Variants in DLC1 observed in about 807,000 individuals in gnomAD.
DLC1 encodes the protein DLC1 Rho GTPase activating protein.
In DLC1, 54 loss-of-function variants were observed where a neutral mutation model predicts 140.3. That is an observed-to-expected ratio of 0.38 (90% CI 0.31 to 0.48). The LOEUF (loss-of-function observed/expected upper bound fraction) is 0.48. Ranked by LOEUF, DLC1 falls within the 20% of genes least tolerant of loss-of-function variation. The pLI, the probability that DLC1 is intolerant of heterozygous loss-of-function variation, is 0.96. For missense variants in DLC1, 2,536 were observed against 1,907.0 expected (o/e 1.33, Z -6.14); for synonymous variants, 986 against 728.1 (o/e 1.35, Z -5.70).
At chr8:13,386,698 A>G (rs986568883) in intron 4 of DLC1, among the ~76,000 whole-genome samples, 2 of 152,132 alleles carry the variant, frequency 1.3e-5, no homozygotes, top group African/African-American at 4.8e-5. Flanking sequence ...TTATTATTTC[A>G]AAATCCAGAC....
chr8:13,150,706 TG>T (rs1823742414), intron 5 of DLC1, among the ~76,000 whole-genome samples: 1 of 152,252 alleles, frequency 6.6e-6, no homozygotes, highest in Non-Finnish European at 1.5e-5. Context: ...AAAGGACCCG[TG>T]CTTTTCAGTA....
In DLC1 at chr8:13,181,350, G is replaced by C. The variant is rs544658560; in HGVS notation, c.1349-65693C>G. Among the ~76,000 whole-genome samples the C allele has an allele frequency of 9.4e-5, 12 of 128,204 alleles. No individual in the cohort carries two copies. In the South Asian group the frequency reaches 2.4e-3, roughly 26 times the overall value. The allele number at this position is 128,204 out of a possible 152,430, so 84.1% of individuals were successfully genotyped here. Reference sequence around the variant, plus strand: ...TTCTTTCTTTCTTTTTTTTTTTTTAGTAATACTTTAAGTTCTAGGGTATAT... The same window carrying C: ...TTCTTTCTTTCTTTTTTTTTTTTTACTAATACTTTAAGTTCTAGGGTATAT... On this transcript the variant is annotated intron_variant, in intron 5 of 17. Coordinates refer to ENST00000276297, the MANE Select transcript of DLC1 (RefSeq NM_182643.3).
At chr8:13,523,258 T>C (rs1282882769) in intron 1 of DLC1, among the ~76,000 whole-genome samples, 2 of 152,170 alleles carry the variant, frequency 1.3e-5, no homozygotes, top group Non-Finnish European at 2.9e-5. Flanking sequence ...TTTGAAGCTG[T>C]TGTTGTGGTT....
intron 5 of DLC1, chr8:13,276,249 C>T (rs1831158241): frequency 3.9e-6 from 6 of 1,535,264 alleles, no homozygotes; most frequent in Non-Finnish European, 5.2e-6. Context: ...TCCAATCCCC[C>T]TCTGCCTCTC....
intron 5 of DLC1, among the ~76,000 whole-genome samples, chr8:13,194,957 C>G (rs913082301): frequency 1.3e-5 from 2 of 152,144 alleles, no homozygotes; most frequent in Admixed American, 1.3e-4. Context: ...TTACAGTGAG[C>G]TATGATTGTG....
intron 5 of DLC1, chr8:13,214,862 C>T (rs1828121957): frequency 1.4e-6 from 1 of 728,422 alleles, no homozygotes; most frequent in Non-Finnish European, 2.5e-6. Context: ...ATAGATGGGT[C>T]TCATGACAGG....
At chr8:13,586,283 C>G (rs965985375) in intron 1 of DLC1, among the ~76,000 whole-genome samples, 1 of 152,070 alleles carries the variant, frequency 6.6e-6, no homozygotes, top group Non-Finnish European at 1.5e-5. Flanking sequence ...GAATGAGGCT[C>G]TGAAACTTGG....
Position 13,085,728 on chromosome 8 carries a change from A to C in DLC1, c.*83T>G. On this transcript the variant is annotated 3_prime_UTR_variant, in exon 18 of 18. Transcript: ENST00000276297. ...GTAGTTTTCTTTGTTTCAGGATTAG[A>C]CACAGAACCCATTCTTCAAGGACTG... is the stretch of plus-strand genomic sequence containing the variant. 1 of 1,591,524 alleles carries C rather than the reference A, an allele frequency of 6.3e-7. No individual in the cohort carries two copies. The highest frequency in any genetic ancestry group is 8.6e-7 in the Non-Finnish European group (1 of 1,167,948).
intron 5 of DLC1, among the ~76,000 whole-genome samples, chr8:13,172,362 ATT>A (rs1235229962): frequency 2.6e-5 from 4 of 152,232 alleles, no homozygotes; most frequent in Non-Finnish European, 5.9e-5. Flanking sequence ...GCCAACAGGT[ATT>A]CAGTACCTTG....
intron 5 of DLC1, among the ~76,000 whole-genome samples, chr8:13,161,151 A>C (rs17185487): frequency 0.14 from 20,810 of 152,144 alleles, 1,523 homozygotes; most frequent in Non-Finnish European, 0.17. Flanking sequence ...AACCTAATCT[A>C]ATTAATCTCT....
intron 1 of DLC1, among the ~76,000 whole-genome samples, chr8:13,592,357 C>T (rs143396498): frequency 1.3e-5 from 2 of 151,782 alleles, no homozygotes; most frequent in African/African-American, 2.4e-5. Context: ...TTGTTTGTTT[C>T]GTTTATATTT....
chr8:13,369,031 A>G (rs564223887), intron 4 of DLC1, among the ~76,000 whole-genome samples: 1 of 152,298 alleles, frequency 6.6e-6, no homozygotes, highest in East Asian at 1.9e-4. Context: ...CATGTTGGTC[A>G]GGCTGGTCTC....
At chr8:13,566,713 G>A (rs540070132) in intron 1 of DLC1, 6 of 441,776 alleles carry the variant, frequency 1.4e-5, no homozygotes, top group South Asian at 4.4e-5. Flanking sequence ...AGAAGCAGGA[G>A]TGCAGAAGAC....
rs1276432302 is a variant in DLC1, at chr8:13,470,289, T to C, written c.1023+28760A>G. Among the ~76,000 whole-genome samples the C allele has an allele frequency of 1.1e-4, 16 of 152,276 alleles. No individual in the cohort carries two copies. The East Asian group carries it at 3.1e-3, about 29-fold the overall frequency. ...CAATGTACTAGCTAACTATAACAGA[T>C]TGGGAGAAAATACTTGCAAACCATA... is the stretch of plus-strand genomic sequence containing the variant. On this transcript the variant is annotated intron_variant, in intron 2 of 17. Transcript: ENST00000276297.
chr8:13,467,341 G>A (rs1448903982), intron 2 of DLC1, among the ~76,000 whole-genome samples: 1 of 152,092 alleles, frequency 6.6e-6, no homozygotes, highest in African/African-American at 2.4e-5. Context: ...CATTTGGAAT[G>A]CTATTTGTTA....
chr8:13,418,727 G>T (rs1331981550), intron 2 of DLC1, among the ~76,000 whole-genome samples: 1 of 152,076 alleles, frequency 6.6e-6, no homozygotes, highest in Non-Finnish European at 1.5e-5. Context: ...GAACTTTAAT[G>T]TAGTTTTTTC....
chr8:13,442,036 CAG>C (rs1798536348), intron 2 of DLC1, among the ~76,000 whole-genome samples: 1 of 152,306 alleles, frequency 6.6e-6, no homozygotes, highest in South Asian at 2.1e-4. Flanking sequence ...ACAGAGCCCT[CAG>C]AAATAATGCT....
chr8:13,346,488 C>T (rs1440943848), intron 4 of DLC1, among the ~76,000 whole-genome samples: 1 of 152,224 alleles, frequency 6.6e-6, no homozygotes, highest in South Asian at 2.1e-4. Flanking sequence ...ACGGCAAAAA[C>T]TACCATGGTA....
At chr8:13,464,889 A>G (rs1311575273) in intron 2 of DLC1, among the ~76,000 whole-genome samples, 1 of 151,386 alleles carries the variant, frequency 6.6e-6, no homozygotes, top group Non-Finnish European at 1.5e-5. Context: ...CATTACCACC[A>G]CTACTACTAC....
Sources: gnomAD v4.1 joint callset for allele counts (sites outside exome capture counted in the v4.1 genomes callset) on GRCh38, gnomAD v4.1.1 for gene constraint, MANE v1.5 for transcripts, NCBI Gene and HGNC (gene_info 2026-07-23, HGNC 2026-07-21) for gene names.